Variants in SUPT3H observed in about 807,000 individuals in gnomAD.
SUPT3H encodes SPT3 homolog, SAGA and STAGA complex component.
A neutral mutation model predicts 44.3 loss-of-function variants in SUPT3H; 44 were observed. That is an observed-to-expected ratio of 0.99 (90% CI 0.78 to 1.28). The LOEUF (loss-of-function observed/expected upper bound fraction) is 1.28, where lower values mean the gene tolerates loss of function less well. SUPT3H is among the 50% of genes most tolerant of loss of function. SUPT3H has a pLI of 0.00. For missense variants in SUPT3H, 380 were observed against 387.1 expected, an observed-to-expected ratio of 0.98 and a Z score of 0.15; for synonymous variants, 124 against 125.6, an observed-to-expected ratio of 0.99 and a Z score of 0.09.
intron 9 of SUPT3H, among the ~76,000 whole-genome samples, chr6:44,935,690 T>C (rs11970468): frequency 0.029 from 4,427 of 152,318 alleles, 77 homozygotes; most frequent in Middle Eastern, 0.082. Context: ...TAGAAACTGA[T>C]GCTGGGTATT....
intron 2 of SUPT3H, among the ~76,000 whole-genome samples, chr6:45,109,010 A>T (rs559468412): frequency 6.6e-6 from 1 of 152,300 alleles, no homozygotes; most frequent in Admixed American, 6.5e-5. Flanking sequence ...ATCATCATTA[A>T]CATAAAGGTA....
At chr6:44,870,687 G>A (rs1177049148) in intron 10 of SUPT3H, among the ~76,000 whole-genome samples, 1 of 151,604 alleles carries the variant, frequency 6.6e-6, no homozygotes, top group Non-Finnish European at 1.5e-5. Flanking sequence ...ACAGCTCCCA[G>A]CATGAGCGAC....
intron 1 of SUPT3H, among the ~76,000 whole-genome samples, chr6:45,374,911 TA>T (rs1028649151): frequency 6.6e-6 from 1 of 152,204 alleles, no homozygotes; most frequent in African/African-American, 2.4e-5. Context: ...GTCACTGTTT[TA>T]AAGTATATTT....
chr6:44,963,583 T>A lies in SUPT3H; in HGVS notation c.505-1755A>T, dbSNP rs577878012. ...ATTTACTTGGAAGTATTTTTTGATA[T>A]TTAAATGCATGATCTAGTTTTAGCC... On this transcript the variant is annotated intron_variant, in intron 6 of 10. Coordinates refer to ENST00000371459, the MANE Select transcript of SUPT3H (RefSeq NM_003599.4). Among the ~76,000 whole-genome samples, 16 of 152,346 alleles carry A rather than the reference T, an allele frequency of 1.1e-4. No individual in the cohort carries two copies. The East Asian group carries it at 2.9e-3, about 28-fold the overall frequency.
chr6:45,306,655 C>T (rs952772745), intron 2 of SUPT3H, among the ~76,000 whole-genome samples: 8 of 152,160 alleles, frequency 5.3e-5, no homozygotes, highest in African/African-American at 9.7e-5. Context: ...TACAATCGGG[C>T]GGTTCCAAGA....
chr6:44,887,951 C>T (rs9395053), intron 10 of SUPT3H, among the ~76,000 whole-genome samples: 51,854 of 151,902 alleles, frequency 0.34, 9,923 homozygotes, highest in East Asian at 0.56. Flanking sequence ...CCACCGATCC[C>T]ACAGAAATAC....
intron 10 of SUPT3H, among the ~76,000 whole-genome samples, chr6:44,888,175 C>G (rs1262794061): frequency 2.0e-5 from 3 of 152,164 alleles, no homozygotes; most frequent in Non-Finnish European, 4.4e-5. Flanking sequence ...CAGCCGAATT[C>G]TATCAGAGGT....
intron 10 of SUPT3H, among the ~76,000 whole-genome samples, chr6:44,864,433 A>C (rs1225483451): frequency 6.6e-6 from 1 of 152,168 alleles, no homozygotes; most frequent in Admixed American, 6.5e-5. Flanking sequence ...CTCCAATCCC[A>C]TATTTCCCTT....
chr6:45,236,321 C>T (rs1212329431), intron 2 of SUPT3H, among the ~76,000 whole-genome samples: 2 of 151,984 alleles, frequency 1.3e-5, no homozygotes, highest in Non-Finnish European at 2.9e-5. Flanking sequence ...TGGAGGACAC[C>T]CGAGTGCTCT....
At chr6:45,121,013 T>C (rs544322135) in intron 2 of SUPT3H, among the ~76,000 whole-genome samples, 109 of 152,314 alleles carry the variant, frequency 7.2e-4, no homozygotes, top group African/African-American at 2.5e-3. Context: ...GAGATTAAAA[T>C]TGATACTTTG....
chr6:45,141,539 C>T (rs144771442), intron 2 of SUPT3H, among the ~76,000 whole-genome samples: 266 of 151,438 alleles, frequency 1.8e-3, no homozygotes, highest in African/African-American at 6.2e-3. Context: ...AAATGAAAGA[C>T]ACACTTAGAG....
chr6:44,886,216 T>C (rs963157247), intron 10 of SUPT3H, among the ~76,000 whole-genome samples: 3 of 152,010 alleles, frequency 2.0e-5, no homozygotes, highest in African/African-American at 7.2e-5. Flanking sequence ...CAGGAGAACT[T>C]CCCCAATCTA....
At chr6:45,211,334 T>C (rs1221239146) in intron 2 of SUPT3H, among the ~76,000 whole-genome samples, 1 of 152,180 alleles carries the variant, frequency 6.6e-6, no homozygotes, top group African/African-American at 2.4e-5. Context: ...ATGGTCCTCA[T>C]ACTTTATGTT....
At position 44,827,144 on chromosome 6, in the gene SUPT3H, C is replaced by T. The variant is rs753727144; in HGVS notation, c.*2672G>A. 2.0e-4 allele frequency among the ~76,000 whole-genome samples: 30 copies of T among 152,086 alleles called. No individual in the cohort carries two copies. Among genetic ancestry groups the T allele is most frequent in the Non-Finnish European group, 4.0e-4 (27 of 67,926 alleles). ...ATTTTCAAATTCAGTCTCTAAAATA[C>T]AAGGGACAAAAAATAGAAACTAGCT... On this transcript the variant is annotated 3_prime_UTR_variant, in exon 11 of 11. Coordinates refer to ENST00000371459, the MANE Select transcript of SUPT3H (RefSeq NM_003599.4).
chr6:45,027,238 A>G (rs776576250), intron 3 of SUPT3H, among the ~76,000 whole-genome samples: 5 of 151,926 alleles, frequency 3.3e-5, no homozygotes, highest in Middle Eastern at 3.2e-3. Flanking sequence ...TAATCTGCCC[A>G]CTTTGGTGTC....
intron 2 of SUPT3H, among the ~76,000 whole-genome samples, chr6:45,142,222 C>CA (rs1449261342): frequency 2.0e-5 from 3 of 152,076 alleles, no homozygotes; most frequent in Non-Finnish European, 2.9e-5. Context: ...ACTACCAAGC[C>CA]AGCACTACAA....
chr6:44,851,807 T>C (rs1347301967), intron 10 of SUPT3H, among the ~76,000 whole-genome samples: 1 of 152,214 alleles, frequency 6.6e-6, no homozygotes, highest in Non-Finnish European at 1.5e-5. Flanking sequence ...TCTGGAGTGA[T>C]TTCTATAAAA....
At chr6:45,300,339 A>G (rs1299513613) in intron 2 of SUPT3H, among the ~76,000 whole-genome samples, 1 of 152,194 alleles carries the variant, frequency 6.6e-6, no homozygotes, top group Non-Finnish European at 1.5e-5. Flanking sequence ...TTCTCACAAT[A>G]ATGTTAAGAG....
At chr6:44,935,522 G>C (rs1012203805) in intron 9 of SUPT3H, among the ~76,000 whole-genome samples, 1 of 152,090 alleles carries the variant, frequency 6.6e-6, no homozygotes. Context: ...TGTTTATAGA[G>C]TATTTGCAGA....
Sources: allele counts gnomAD v4.1 joint callset (sites outside exome capture counted in the v4.1 genomes callset), GRCh38; gene constraint gnomAD v4.1.1; transcripts MANE v1.5; gene names NCBI Gene and HGNC (gene_info 2026-07-23, HGNC 2026-07-21).